STK32B: variants seen among roughly 807,000 people sequenced by gnomAD.
STK32B encodes serine/threonine-protein kinase 32B.
A neutral mutation model predicts 52.6 loss-of-function variants in STK32B; 43 were observed. The observed-to-expected ratio is 0.82, with a 90% confidence interval of 0.64 to 1.05. The LOEUF (loss-of-function observed/expected upper bound fraction) is 1.05. STK32B is among the 50% of genes least tolerant of loss of function. The probability of loss-of-function intolerance (pLI) is 0.00; values close to 1 mark genes in which losing one functional copy is unlikely to be tolerated. For synonymous variants in STK32B, 238 were observed against 204.3 expected, an observed-to-expected ratio of 1.17 and a Z score of -1.41; for missense variants, 621 against 534.6, an observed-to-expected ratio of 1.16 and a Z score of -1.59.
upstream of STK32B, among the ~76,000 whole-genome samples, chr4:5,048,729 A>G (rs528272453): frequency 1.1e-4 from 16 of 152,358 alleles, no homozygotes; most frequent in South Asian, 2.9e-3. Flanking sequence ...CACCTGGCCA[A>G]TTTCTGCATT....
At chr4:5,149,256 C>T (rs965841518) in intron 2 of STK32B, among the ~76,000 whole-genome samples, 5 of 151,708 alleles carry the variant, frequency 3.3e-5, no homozygotes, top group East Asian at 1.9e-4. Flanking sequence ...TTGAGGACAG[C>T]GTATAGTTAG....
At chr4:5,271,225 CTG>C (rs1251571508) in intron 3 of STK32B, among the ~76,000 whole-genome samples, 1 of 152,220 alleles carries the variant, frequency 6.6e-6, no homozygotes, top group Non-Finnish European at 1.5e-5. Context: ...GTGTGAGTCA[CTG>C]TGCCCAGCCT....
intron 2 of STK32B, among the ~76,000 whole-genome samples, chr4:5,164,915 G>A (rs1163428781): frequency 6.6e-6 from 1 of 152,066 alleles, no homozygotes; most frequent in East Asian, 1.9e-4. Flanking sequence ...CTATCTCCTG[G>A]TCAGGTTAAT....
At chr4:5,134,546 C>G (rs1715958783) in intron 1 of STK32B, among the ~76,000 whole-genome samples, 1 of 152,214 alleles carries the variant, frequency 6.6e-6, no homozygotes, top group Admixed American at 6.5e-5. Context: ...ATTACCCAGT[C>G]TGTGGCATTC....
chr4:5,427,431 C>A (rs929278329), intron 6 of STK32B, among the ~76,000 whole-genome samples: 1 of 152,116 alleles, frequency 6.6e-6, no homozygotes, highest in Non-Finnish European at 1.5e-5. Flanking sequence ...TCCTCCCCTT[C>A]TATTTTCTAA....
intron 5 of STK32B, among the ~76,000 whole-genome samples, chr4:5,414,949 T>G (rs1712033780): frequency 6.6e-6 from 1 of 152,212 alleles, no homozygotes; most frequent in Admixed American, 6.5e-5. Flanking sequence ...TTTGAAGGCT[T>G]CATAGTCCTC....
chr4:5,348,312 C>T (rs1242163791), intron 4 of STK32B, among the ~76,000 whole-genome samples: 3 of 152,166 alleles, frequency 2.0e-5, no homozygotes, highest in Non-Finnish European at 4.4e-5. Context: ...CATTCTGTGT[C>T]CCACACCTTC....
chr4:5,466,228 C>T (rs1309028551), intron 9 of STK32B, among the ~76,000 whole-genome samples: 2 of 152,148 alleles, frequency 1.3e-5, no homozygotes, highest in Non-Finnish European at 2.9e-5. Flanking sequence ...GGAGGGTCAG[C>T]TGACTCTAGC....
the STK32B span, among the ~76,000 whole-genome samples, chr4:5,034,622 A>C: frequency 6.6e-6 from 1 of 152,218 alleles, no homozygotes; most frequent in Non-Finnish European, 1.5e-5. Context: ...TAACACTTAA[A>C]AACAACTTTG....
chr4:5,142,177 G>C (rs552481335), intron 2 of STK32B, among the ~76,000 whole-genome samples: 2 of 152,314 alleles, frequency 1.3e-5, no homozygotes, highest in Admixed American at 1.3e-4. Context: ...GCAAAGTTGA[G>C]TAAGAAGTGA....
chr4:5,164,095 G>C (rs1008290668), intron 2 of STK32B, among the ~76,000 whole-genome samples: 3 of 152,214 alleles, frequency 2.0e-5, no homozygotes, highest in African/African-American at 7.2e-5. Flanking sequence ...GGGTGGCAGT[G>C]GTGGACCCTT....
chr4:5,051,611 G>T lies in STK32B; in HGVS notation c.-253G>T, dbSNP rs1264689548. The stretch of plus-strand genomic sequence containing the variant: ...GGCGGGCACTGGAGTAAGGAGCTGC[G>T]AGCGCAGCCCGAGGCGGGGCACGGC... On this transcript the variant is annotated 5_prime_UTR_variant, in exon 1 of 12. Transcript: ENST00000282908. 8.1e-6 allele frequency: 4 copies of T among 495,650 alleles called. No homozygotes were observed. The highest frequency in any genetic ancestry group is 7.0e-6 in the Non-Finnish European group (2 of 285,532). The allele number at this position is 495,650 out of a possible 1,614,324, so 30.7% of individuals were successfully genotyped here.
intron 3 of STK32B, among the ~76,000 whole-genome samples, chr4:5,250,435 C>CCTGAGTAG (rs1560260470): frequency 6.6e-6 from 1 of 151,496 alleles, no homozygotes; most frequent in African/African-American, 2.4e-5. Context: ...ACCTCAGCCT[C>CCTGAGTAG]CTGAGTAGCT....
the STK32B span, among the ~76,000 whole-genome samples, chr4:5,043,708 C>G: frequency 1.3e-5 from 2 of 152,370 alleles, no homozygotes; most frequent in East Asian, 3.9e-4. Context: ...GTGGGCATCA[C>G]AGCCTACAGG....
intron 2 of STK32B, among the ~76,000 whole-genome samples, chr4:5,163,859 A>G (rs1718650924): frequency 6.6e-6 from 1 of 152,102 alleles, no homozygotes; most frequent in Admixed American, 6.5e-5. Flanking sequence ...GAGAGAGGAC[A>G]CTTTGCGAGA....
At position 5,309,471 on chromosome 4, in the gene STK32B, A is replaced by G. The variant is rs367679978; in HGVS notation, c.261-21749A>G. ...AGAACAAGGTTGGAGGTATCACACT[A>G]CCAGACTTCAAAGTATACCATAAAA... On this transcript the variant is annotated intron_variant, in intron 3 of 11. Coordinates refer to ENST00000282908, the MANE Select transcript of STK32B (RefSeq NM_018401.3). Among the ~76,000 whole-genome samples the G allele has an allele frequency of 3.7e-4, 57 of 152,344 alleles. 1 individual carries two copies. The South Asian group carries it at 0.012, about 32-fold the overall frequency.
chr4:5,021,646 A>G, the STK32B span, among the ~76,000 whole-genome samples: 3 of 152,238 alleles, frequency 2.0e-5, no homozygotes, highest in Non-Finnish European at 2.9e-5. Flanking sequence ...GCTGGAAAAC[A>G]GGAGTCATTT....
chr4:5,265,436 A>T (rs575909552), intron 3 of STK32B, among the ~76,000 whole-genome samples: 2 of 152,212 alleles, frequency 1.3e-5, no homozygotes, highest in Non-Finnish European at 2.9e-5. Context: ...AATATTGACT[A>T]CGCCCCGAAG....
intron 2 of STK32B, among the ~76,000 whole-genome samples, chr4:5,154,247 C>T (rs191754239): frequency 5.7e-5 from 8 of 140,992 alleles, no homozygotes; most frequent in Admixed American, 4.4e-4. Flanking sequence ...CAGAGTTTCG[C>T]TCTTGTTGCC....
Sources: allele counts gnomAD v4.1 joint callset (sites outside exome capture counted in the v4.1 genomes callset), GRCh38; gene constraint gnomAD v4.1.1; transcripts MANE v1.5; gene names NCBI Gene and HGNC (gene_info 2026-07-23, HGNC 2026-07-21).